Variants in GNAI1 observed in about 807,000 individuals in gnomAD.
GNAI1 encodes guanine nucleotide-binding protein G(i) subunit alpha-1.
GNAI1 carries 11 observed loss-of-function variants against 38.9 expected under a neutral mutation model. That is an observed-to-expected ratio of 0.28 (90% CI 0.18 to 0.47). The LOEUF (loss-of-function observed/expected upper bound fraction) is 0.47. GNAI1 is among the 20% of genes least tolerant of loss of function. The probability of loss-of-function intolerance (pLI) is 0.99; values close to 1 mark genes in which losing one functional copy is unlikely to be tolerated. For missense variants in GNAI1, 317 were observed against 436.9 expected (o/e 0.73, Z 2.45); for synonymous variants, 166 against 145.1 (o/e 1.14, Z -1.04).
intron 1 of GNAI1, among the ~76,000 whole-genome samples, chr7:80,151,068 C>T (rs1321109727): frequency 6.6e-6 from 1 of 152,138 alleles, no homozygotes; most frequent in Non-Finnish European, 1.5e-5. Context: ...TGTGGTTTGG[C>T]TTCCACCCTG....
chr7:80,157,311 C>T (rs1787836070), intron 1 of GNAI1, among the ~76,000 whole-genome samples: 1 of 152,000 alleles, frequency 6.6e-6, no homozygotes, highest in Non-Finnish European at 1.5e-5. Context: ...AATAATATTC[C>T]GTTGTTTGAA....
At chr7:80,164,958 A>G (rs73378654) in intron 1 of GNAI1, among the ~76,000 whole-genome samples, 4,441 of 152,292 alleles carry the variant, frequency 0.029, 114 homozygotes, top group African/African-American at 0.073. Context: ...AAATACGCCT[A>G]TGAGAAAAAG....
chr7:80,204,784 G>A (rs1400608430), intron 5 of GNAI1, among the ~76,000 whole-genome samples: 6 of 151,798 alleles, frequency 4.0e-5, no homozygotes, highest in African/African-American at 1.5e-4. Context: ...GTAAAATCAT[G>A]AAAAAAGAAA....
rs373176457 is a variant in GNAI1 at position 80,165,844 on chromosome 7, T to C, written c.119-23107T>C. 9.2e-5 allele frequency among the ~76,000 whole-genome samples: 14 copies of C among 152,292 alleles called. No homozygotes were observed. The East Asian group carries it at 1.7e-3, about 19-fold the overall frequency. ...AAAAAATCAAGGTTAATATGTAAAATACTTTGATAGCAGTTACTGTACCAT... is the reference window on the plus strand; with the variant it reads ...AAAAAATCAAGGTTAATATGTAAAACACTTTGATAGCAGTTACTGTACCAT... On this transcript the variant is annotated intron_variant, in intron 1 of 7. Transcript: ENST00000649796.
At chr7:80,166,112 T>G (rs1389618323) in intron 1 of GNAI1, among the ~76,000 whole-genome samples, 1 of 152,178 alleles carries the variant, frequency 6.6e-6, no homozygotes, top group African/African-American at 2.4e-5. Context: ...AGCATAGTGT[T>G]TGTCACATAG....
At chr7:80,211,395 G>T (rs1481836717) in intron 6 of GNAI1, among the ~76,000 whole-genome samples, 1 of 149,850 alleles carries the variant, frequency 6.7e-6, no homozygotes, top group Non-Finnish European at 1.5e-5. Context: ...TTCTTAATTT[G>T]TTACTTCTGT....
rs542227289 is a variant in GNAI1 at position 80,164,909 on chromosome 7, T to C, written c.119-24042T>C. Among the ~76,000 whole-genome samples the C allele has an allele frequency of 4.0e-5, 6 of 149,862 alleles. No individual in the cohort carries two copies. The East Asian group carries it at 5.8e-4, about 14-fold the overall frequency. On this transcript the variant is annotated intron_variant, in intron 1 of 7. Coordinates refer to ENST00000649796, the MANE Select transcript of GNAI1 (RefSeq NM_002069.6). ...CTTTACTCGACCTTTTTAATAGCAA[T>C]GGAGAGGCATTGGAAAAAAGGATAT...
In GNAI1 at chr7:80,159,830, C is replaced by T. The variant is rs1271578066; in HGVS notation, c.118+24552C>T. On this transcript the variant is annotated intron_variant, in intron 1 of 7. Transcript: ENST00000649796. ...GTGATTGTGGCACATTTCTAGATTT[C>T]TGGGGAACTCAATCTCCTTATCTGT... Among the ~76,000 whole-genome samples, 4 of 152,188 alleles carry T rather than the reference C, an allele frequency of 2.6e-5. No individual in the cohort carries two copies. The East Asian group carries it at 7.7e-4, about 29-fold the overall frequency.
chr7:80,150,914 C>T (rs1426041722), intron 1 of GNAI1, among the ~76,000 whole-genome samples: 2 of 152,198 alleles, frequency 1.3e-5, no homozygotes, highest in Non-Finnish European at 2.9e-5. Context: ...TGGTCTTCCT[C>T]CCTATGTGCT....
At chr7:80,210,013 C>G (rs938418028) in intron 5 of GNAI1, among the ~76,000 whole-genome samples, 26 of 152,156 alleles carry the variant, frequency 1.7e-4, no homozygotes, top group African/African-American at 6.3e-4. Flanking sequence ...TAGGCCAGTA[C>G]TGCTCTGTAG....
chr7:80,193,020 T>G (rs1373502796), intron 3 of GNAI1, among the ~76,000 whole-genome samples: 1 of 147,146 alleles, frequency 6.8e-6, no homozygotes, highest in East Asian at 2.0e-4. Flanking sequence ...TTTTTTTTTT[T>G]GTTTTTAATA....
chr7:80,135,940 G>A, intron 1 of GNAI1: 2 of 985,366 alleles, frequency 2.0e-6, no homozygotes, highest in African/African-American at 3.5e-5. Context: ...AGTGGGGTTG[G>A]GAAGCTTTGC....
chr7:80,188,246 A>G (rs1483559400), intron 1 of GNAI1, among the ~76,000 whole-genome samples: 1 of 152,160 alleles, frequency 6.6e-6, no homozygotes. Context: ...TCTTGGTGCC[A>G]CTGCTGCCTA....
chr7:80,183,925 T>C (rs1282410129), intron 1 of GNAI1, among the ~76,000 whole-genome samples: 1 of 152,142 alleles, frequency 6.6e-6, no homozygotes, highest in Non-Finnish European at 1.5e-5. Context: ...GGCTGCTGTA[T>C]GTTTGAGACC....
At position 80,134,868 on chromosome 7, in the gene GNAI1, C is replaced by G. The variant is rs1351888177; in HGVS notation, c.-293C>G. ...GCTTGGCGAGGCTGCGGCGCGGCCACCGGCGGGAGTGCAGCGGCCACTGTA... is the reference window on the plus strand; with the variant it reads ...GCTTGGCGAGGCTGCGGCGCGGCCAGCGGCGGGAGTGCAGCGGCCACTGTA... On this transcript the variant is annotated 5_prime_UTR_variant, in exon 1 of 8. Coordinates refer to ENST00000649796, the MANE Select transcript of GNAI1 (RefSeq NM_002069.6). 4.2e-6 allele frequency: 1 copy of G among 236,024 alleles called. No individual in the cohort carries two copies. Among genetic ancestry groups the G allele is most frequent in the Non-Finnish European group, 8.1e-6 (1 of 122,888 alleles). The allele number at this position is 236,024 out of a possible 1,614,324, so 14.6% of individuals were successfully genotyped here.
intron 1 of GNAI1, 42 bp downstream of exon 1, chr7:80,135,320 C>T: frequency 2.5e-6 from 3 of 1,177,062 alleles, no homozygotes; most frequent in Non-Finnish European, 1.1e-6. Flanking sequence ...GGCGGGGGAC[C>T]GGGTGCGGCG....
In GNAI1 at chr7:80,225,940, CAAATA is replaced by C. The variant is rs139356137; in HGVS notation, c.*8451_*8455del. On this transcript the variant is annotated 3_prime_UTR_variant, in exon 8 of 8. Transcript: ENST00000649796. The stretch of plus-strand genomic sequence containing the variant: ...ATTTTCTACTTGATACAGTGTGCAT[CAAATA>C]AAAGTTTACTATATTGGAATATGGG... Among the ~76,000 whole-genome samples, 11,362 of 152,032 alleles carry C rather than the reference CAAATA, an allele frequency of 0.075. 487 individuals are homozygous for C. The highest frequency in any genetic ancestry group is 0.1 in the Non-Finnish European group (6,779 of 67,958).
intron 1 of GNAI1, among the ~76,000 whole-genome samples, chr7:80,160,193 A>G (rs1368765504): frequency 2.2e-5 from 3 of 134,094 alleles, no homozygotes; most frequent in Non-Finnish European, 4.8e-5. Flanking sequence ...AAGTTAGGTT[A>G]TTTTAGACAG....
intron 1 of GNAI1, among the ~76,000 whole-genome samples, chr7:80,150,011 A>G (rs565465751): frequency 1.1e-4 from 16 of 152,200 alleles, no homozygotes; most frequent in Non-Finnish European, 2.2e-4. Flanking sequence ...GTTTTCATGG[A>G]AGTGCAGATT....
Sources: allele counts gnomAD v4.1 joint callset (sites outside exome capture counted in the v4.1 genomes callset), GRCh38; gene constraint gnomAD v4.1.1; transcripts MANE v1.5; gene names NCBI Gene and HGNC (gene_info 2026-07-23, HGNC 2026-07-21).